The following TMPRSS9 variants were observed in gnomAD, a reference collection of about 807,000 sequenced individuals.
The protein encoded by TMPRSS9 is transmembrane protease serine 9.
In TMPRSS9, 113 loss-of-function variants were observed where a neutral mutation model predicts 111.4. The ratio of observed to expected loss-of-function variants is 1.01; its 90% CI spans 0.87 to 1.19. The LOEUF is 1.19. TMPRSS9 is among the 50% of genes most tolerant of loss of function. TMPRSS9 has a pLI of 0.00. For missense variants in TMPRSS9, 1,803 were observed against 1,513.1 expected (o/e 1.19, Z -3.18); for synonymous variants, 805 against 659.1 (o/e 1.22, Z -3.39).
chr19:2,415,412 T>G (rs1971206368), intron 10 of TMPRSS9, among the ~76,000 whole-genome samples: 1 of 152,078 alleles, frequency 6.6e-6, no homozygotes, highest in South Asian at 2.1e-4. Context: ...TGGGGTCTGT[T>G]GCGGGGGGTC....
intron 13 of TMPRSS9, among the ~76,000 whole-genome samples, chr19:2,420,794 A>G (rs1294820126): frequency 1.3e-5 from 2 of 152,170 alleles, no homozygotes; most frequent in Non-Finnish European, 2.9e-5. Flanking sequence ...TATTCATTAT[A>G]TTTGTTCTTT....
intron 9 of TMPRSS9, 67 bp from the exon 11 acceptor site, chr19:2,413,633 C>A: frequency 6.6e-7 from 1 of 1,516,678 alleles, no homozygotes; most frequent in Non-Finnish European, 8.9e-7. Context: ...CCTTCTTGGG[C>A]CTCGTAGCAC....
In TMPRSS9 at chr19:2,399,049, C is replaced by T. The variant is rs1245886199; in HGVS notation, c.370C>T (p.Gln124Ter). The T allele has an allele frequency of 2.5e-6, 4 of 1,612,962 alleles. 1 individual carries two copies. The Admixed American group carries it at 5.0e-5, about 20-fold the overall frequency. Residue 124 changes from glutamine (Q) to a stop codon, truncating the protein, a stop_gained, in exon 4 of 18, where the codon CAG becomes TAG. Coordinates refer to ENST00000648592, the Ensembl canonical transcript of TMPRSS9. LOFTEE classifies it high-confidence loss of function. ...GAACTCCAGTGTCCTCGTACATTTC[C>T]AGCTGCACTTTCTGCTGCGACCCCT...
At chr19:2,375,902 G>C (rs1026229959) in intron 1 of TMPRSS9, among the ~76,000 whole-genome samples, 1 of 152,310 alleles carries the variant, frequency 6.6e-6, no homozygotes, top group African/African-American at 2.4e-5. Flanking sequence ...GGAAGTCTCA[G>C]GATGAGTGAG....
chr19:2,421,895 C>T (rs757188251), exon 14 of TMPRSS9: 15 of 1,612,046 alleles, frequency 9.3e-6, no homozygotes, highest in African/African-American at 1.3e-5. Flanking sequence ...AGGCCCCTGG[C>T]GTGTTTTATC....
At chr19:2,425,069 C>G in exon 16 of TMPRSS9, 2 of 1,572,222 alleles carry the variant, frequency 1.3e-6, no homozygotes, top group South Asian at 2.3e-5. Context: ...GGAGGGGCAG[C>G]TGGAGCGCGT....
At chr19:2,371,516 G>A (rs1467702824) in intron 1 of TMPRSS9, among the ~76,000 whole-genome samples, 2 of 150,706 alleles carry the variant, frequency 1.3e-5, no homozygotes, top group African/African-American at 5.0e-5. Flanking sequence ...GCAAAACCCT[G>A]TCTCTACTAA....
chr19:2,368,325 C>CA (rs78477170), intron 1 of TMPRSS9, among the ~76,000 whole-genome samples: 4,527 of 113,282 alleles, frequency 0.04, 97 homozygotes, highest in Non-Finnish European at 0.058. Context: ...TTTGAGAGAC[C>CA]AAAAAAAAAA....
chr19:2,388,095 GA>G (rs1452419976), upstream of TMPRSS9, among the ~76,000 whole-genome samples: 1 of 152,106 alleles, frequency 6.6e-6, no homozygotes, highest in Non-Finnish European at 1.5e-5. Flanking sequence ...ACCTCCCTTC[GA>G]AAGCTGGCAC....
chr19:2,364,546 C>A lies in TMPRSS9; in HGVS notation c.-26+4186C>A, dbSNP rs372836096. Among the ~76,000 whole-genome samples the A allele has an allele frequency of 2.7e-3, 407 of 152,050 alleles. 1 individual carries two copies. The highest frequency in any genetic ancestry group is 9.5e-3 in the African/African-American group (393 of 41,480). On this transcript the variant is annotated intron_variant, in intron 1 of 17. Coordinates refer to the TMPRSS9 transcript ENST00000649857. ...TACAGGCGGGAGCCACGGCACCCAG[C>A]CCTTTGTTGTTTTGTTTACACTTTA...
At chr19:2,406,138 G>C (rs1455325969) in intron 7 of TMPRSS9, among the ~76,000 whole-genome samples, 1 of 149,600 alleles carries the variant, frequency 6.7e-6, no homozygotes, top group South Asian at 2.1e-4. Context: ...AGCCTCCCGA[G>C]TAGCTGGGAA....
chr19:2,416,580 C>T (rs760398583), exon 12 of TMPRSS9: 2 of 1,611,698 alleles, frequency 1.2e-6, no homozygotes, highest in Admixed American at 1.7e-5. Context: ...GCACTGCGTC[C>T]CTCCTGGGCC....
intron 4 of TMPRSS9, among the ~76,000 whole-genome samples, chr19:2,401,176 A>T (rs1970836510): frequency 6.6e-6 from 1 of 152,046 alleles, no homozygotes; most frequent in South Asian, 2.1e-4. Flanking sequence ...TGGGACGCTG[A>T]GGCAGGAGAA....
intron 4 of TMPRSS9, among the ~76,000 whole-genome samples, chr19:2,400,817 T>TA (rs1970820515): frequency 6.7e-6 from 1 of 149,360 alleles, no homozygotes. Context: ...CTACTAAAAA[T>TA]AAAAAAATTA....
chr19:2,373,097 T>C (rs991313883), intron 1 of TMPRSS9, among the ~76,000 whole-genome samples: 6 of 152,010 alleles, frequency 3.9e-5, no homozygotes, highest in African/African-American at 1.5e-4. Context: ...CCTCCCAAGG[T>C]GCTGGGATTA....
upstream of TMPRSS9, among the ~76,000 whole-genome samples, chr19:2,387,162 G>T (rs1307246972): frequency 1.3e-5 from 2 of 152,122 alleles, no homozygotes; most frequent in Non-Finnish European, 2.9e-5. Context: ...TTCAAAACCA[G>T]CCTGGGCAAC....
At chr19:2,426,096 G>A (rs1309599744) in exon 18 of TMPRSS9, 3 of 1,550,302 alleles carry the variant, frequency 1.9e-6, no homozygotes, top group South Asian at 1.1e-5. Flanking sequence ...TGACCACCAC[G>A]TGACTGCCCA....
In TMPRSS9 at chr19:2,394,579, C is replaced by A. The variant is rs796364767; in HGVS notation, c.143-1960C>A. Among the ~76,000 whole-genome samples, 4 of 100,770 alleles carry A rather than the reference C, an allele frequency of 4.0e-5. No individual in the cohort carries two copies. The South Asian group carries it at 1.6e-3, about 41-fold the overall frequency. 66.1% of individuals were successfully genotyped at this position (100,770 alleles called of 152,430 possible). ...ACAGAGGCGGGGCAATTCAGTCCGCCCACCAGGGTGCTCGTGTTTCTTTAG... is the reference window on the plus strand; with the variant it reads ...ACAGAGGCGGGGCAATTCAGTCCGCACACCAGGGTGCTCGTGTTTCTTTAG... On this transcript the variant is annotated intron_variant, in intron 1 of 17. Coordinates refer to ENST00000648592, the Ensembl canonical transcript of TMPRSS9.
intron 1 of TMPRSS9, among the ~76,000 whole-genome samples, chr19:2,394,144 A>G (rs935353734): frequency 6.6e-6 from 1 of 152,086 alleles, no homozygotes; most frequent in Admixed American, 6.6e-5. Context: ...CAGAGGTTGC[A>G]CTGAGCCAAG....
Sources: allele counts gnomAD v4.1 joint callset (sites outside exome capture counted in the v4.1 genomes callset), GRCh38; gene constraint gnomAD v4.1.1; transcripts MANE v1.5; gene names NCBI Gene and HGNC (gene_info 2026-07-23, HGNC 2026-07-21).